MIA2: variants seen among roughly 807,000 people sequenced by gnomAD.
The protein encoded by MIA2 is melanoma inhibitory activity protein 2.
In MIA2, 127 loss-of-function variants were observed where a neutral mutation model predicts 167.8. The observed-to-expected ratio is 0.76, with a 90% CI of 0.66 to 0.88. MIA2 has a LOEUF of 0.88. Among genes scored for constraint, MIA2 ranks in the 40% least tolerant of loss-of-function variants. The pLI, the probability that MIA2 is intolerant of heterozygous loss-of-function variation, is 0.00. For missense variants in MIA2, 1,690 were observed against 1,624.7 expected (o/e 1.04, Z -0.69); for synonymous variants, 552 against 541.9 (o/e 1.02, Z -0.26).
At chr14:39,260,016 T>C (rs2055015986) in intron 6 of MIA2, among the ~76,000 whole-genome samples, 1 of 152,184 alleles carries the variant, frequency 6.6e-6, no homozygotes, top group African/African-American at 2.4e-5. Flanking sequence ...GCTTCATCCA[T>C]GTCCCTGCAA....
intron 25 of MIA2, among the ~76,000 whole-genome samples, chr14:39,340,077 A>G (rs542129059): frequency 6.6e-6 from 1 of 152,274 alleles, no homozygotes; most frequent in African/African-American, 2.4e-5. Flanking sequence ...TCCTTGGCTC[A>G]AGCAATCCTC....
rs36031495 is a variant in MIA2 at position 39,326,844 on chromosome 14, GTT to G, written c.3497-12_3497-11del. ...TTTTTAAGATGAAACAGATTTGTAT[GTT>G]TTTTTTTCTTTAATTAGGCTCACGA... is the stretch of plus-strand genomic sequence containing the variant. On this transcript the variant is annotated intron_variant, in intron 24 of 28. Transcript: ENST00000640607. The G allele has an allele frequency of 5.8e-5, 88 of 1,529,598 alleles. No individual in the cohort carries two copies. Among genetic ancestry groups the G allele is most frequent in the Admixed American group, 5.5e-4 (24 of 43,974 alleles). The allele number at this position is 1,529,598 out of a possible 1,614,324, so 94.8% of individuals were successfully genotyped here. A position where few individuals can be genotyped will look rare whatever the true frequency, so the allele number is the denominator to read the frequency against.
chr14:39,376,105 C>T (rs1028863391), intron 23 of MIA2, among the ~76,000 whole-genome samples: 2 of 152,074 alleles, frequency 1.3e-5, no homozygotes, highest in Non-Finnish European at 2.9e-5. Context: ...AGGTGCCTGC[C>T]ACCATGCCCA....
Position 39,248,124 on chromosome 14 carries a change from G to C in MIA2, c.1550G>C (p.Ser517Thr). The change falls in exon 4 of 29, where the codon AGT (serine) becomes ACT (threonine). Residue 517 changes from serine to threonine, a missense_variant. Transcript: ENST00000640607. ...AATACAAAAGTTATGATATTCAAAA[G>C]TTCATACAGTCTGTCAGGTTGGTAT... ...TDNTKVMIFKSSYSLSDMVSN... is the reference protein window; with the variant it reads ...TDNTKVMIFKTSYSLSDMVSN... 1 of 1,474,696 alleles carries C rather than the reference G, an allele frequency of 6.8e-7. No individual in the cohort carries two copies. The highest frequency in any genetic ancestry group is 9.1e-7 in the Non-Finnish European group (1 of 1,102,834). 91.4% of individuals were successfully genotyped at this position (1,474,696 alleles called of 1,614,324 possible).
chr14:39,347,815 C>CTCCTT, intron 27 of MIA2, 44 bp downstream of exon 27: 1 of 1,048,964 alleles, frequency 9.5e-7, no homozygotes, highest in Non-Finnish European at 1.3e-6. Context: ...ATTCAGAAGC[C>CTCCTT]TTCTTTTTTT....
intron 17 of MIA2, among the ~76,000 whole-genome samples, chr14:39,307,348 A>T (rs572207286): frequency 2.0e-5 from 3 of 151,064 alleles, no homozygotes; most frequent in African/African-American, 7.3e-5. Context: ...TAGAATGTTG[A>T]AGGTGTTGGG....
intron 6 of MIA2, among the ~76,000 whole-genome samples, chr14:39,260,196 A>G (rs2055027715): frequency 6.6e-6 from 1 of 152,196 alleles, no homozygotes; most frequent in Non-Finnish European, 1.5e-5. Flanking sequence ...TAGTAGCTTG[A>G]TTTATAATCC....
At chr14:39,358,448 A>AT (rs1246430198) in intron 23 of MIA2, among the ~76,000 whole-genome samples, 1 of 152,066 alleles carries the variant, frequency 6.6e-6, no homozygotes. Context: ...CTAGTTCGCC[A>AT]TTTGTCTAAT....
rs373294303 is a variant in MIA2, at chr14:39,380,795, T to C, written c.2249-6090T>C. ...GACCAATTTTATTTAGATTGCTAGT[T>C]TTAAATTTAGTCTCTATCTAGATTT... On this transcript the variant is annotated intron_variant, in intron 23 of 23. Transcript: ENST00000341502. Among the ~76,000 whole-genome samples, 4 of 151,894 alleles carry C rather than the reference T, an allele frequency of 2.6e-5. No individual in the cohort carries two copies. In the East Asian group the frequency reaches 7.7e-4, roughly 29 times the overall value.
intron 23 of MIA2, among the ~76,000 whole-genome samples, chr14:39,378,162 T>C (rs1567060519): frequency 1.3e-5 from 2 of 152,260 alleles, no homozygotes; most frequent in Non-Finnish European, 2.9e-5. Context: ...GTTTTAAATT[T>C]TTCTCATAAG....
chr14:39,302,029 T>C, intron 14 of MIA2, 100 bp from the exon 15 acceptor site: 7 of 1,314,710 alleles, frequency 5.3e-6, no homozygotes, highest in Non-Finnish European at 6.2e-6. Context: ...TTGTTATTTA[T>C]GTGGACTGAT....
intron 23 of MIA2, among the ~76,000 whole-genome samples, chr14:39,381,742 T>G (rs766856771): frequency 5.3e-5 from 8 of 151,850 alleles, no homozygotes; most frequent in Non-Finnish European, 1.2e-4. Context: ...TCCTCCTAAT[T>G]TGGAATGTTC....
intron 3 of MIA2, among the ~76,000 whole-genome samples, chr14:39,244,163 C>A (rs1005872078): frequency 6.6e-6 from 1 of 152,080 alleles, no homozygotes; most frequent in Non-Finnish European, 1.5e-5. Context: ...AATAGCTTTG[C>A]ATAGAAAAGA....
chr14:39,238,530 C>T (rs970275963), intron 2 of MIA2, among the ~76,000 whole-genome samples: 1 of 151,966 alleles, frequency 6.6e-6, no homozygotes, highest in Non-Finnish European at 1.5e-5. Flanking sequence ...CTTGGTGGCT[C>T]ATGCCTGTAA....
chr14:39,355,278 T>G (rs971701983), downstream of MIA2, among the ~76,000 whole-genome samples: 11 of 152,226 alleles, frequency 7.2e-5, no homozygotes, highest in African/African-American at 2.7e-4. Flanking sequence ...TTCACATCCC[T>G]TGTAAGTTGG....
rs895565104 is a variant in MIA2 at position 39,273,599 on chromosome 14, G to A, written c.1888-3335G>A. Among the ~76,000 whole-genome samples, 7 of 149,120 alleles carry A rather than the reference G, an allele frequency of 4.7e-5. No homozygotes were observed. The East Asian group carries it at 5.9e-4, about 13-fold the overall frequency. On this transcript the variant is annotated intron_variant, in intron 6 of 28. Coordinates refer to ENST00000640607, the MANE Select transcript of MIA2 (RefSeq NM_001329214.4). ...TCTGTGTCTATTGAGATGATCATGC[G>A]TTTTTTTTTTCTCTTCATTTTCTTA...
Position 39,321,048 on chromosome 14 carries a change from G to A in MIA2, c.3488G>A (p.Gly1163Glu). 1.2e-6 allele frequency: 2 copies of A among 1,612,488 alleles called. No homozygotes were observed. Among genetic ancestry groups the A allele is most frequent in the Non-Finnish European group, 8.5e-7 (1 of 1,179,372 alleles). The change falls in exon 24 of 29, where the codon GGA becomes GAA. Residue 1163 changes from glycine to glutamate, a missense_variant. Coordinates refer to ENST00000640607, the MANE Select transcript of MIA2 (RefSeq NM_001329214.4). ...LRLSPLLPGG[G>E]GRGSRGPGNP... is the part of the protein sequence containing the mutation. ...CTCTCACCTTTGCTTCCAGGGGGAG[G>A]AGGAAGAGGTATATTGTTTAAACAT...
rs1261332047 is a variant in MIA2, at chr14:39,277,716, GTGTGTATATA to G, written c.2019+653_2019+662del. Among the ~76,000 whole-genome samples the G allele has an allele frequency of 4.9e-3, 11 of 2,250 alleles. 4 individuals are homozygous for G. Among genetic ancestry groups the G allele is most frequent in the African/African-American group, 0.016 (11 of 672 alleles). The allele number at this position is 2,250 out of a possible 152,430, so 1.5% of individuals were successfully genotyped here. ...TGTATATATATATATATATATATAT[GTGTGTATATA>G]TATATATATATATATATGTGTGTAT... On this transcript the variant is annotated intron_variant, in intron 7 of 28. Transcript: ENST00000640607.
intron 1 of MIA2, 42 bp downstream of exon 1, chr14:39,234,271 C>T: frequency 7.9e-7 from 1 of 1,265,554 alleles, no homozygotes. Flanking sequence ...TAAATTGAGG[C>T]TCTGCAATGA....
Sources: gnomAD v4.1 joint callset for allele counts (sites outside exome capture counted in the v4.1 genomes callset) on GRCh38, gnomAD v4.1.1 for gene constraint, MANE v1.5 for transcripts, NCBI Gene and HGNC (gene_info 2026-07-23, HGNC 2026-07-21) for gene names.